PXDC1: variants seen among roughly 807,000 people sequenced by gnomAD.
The protein encoded by PXDC1 is PX domain containing 1, also known as PX domain-containing protein 1.
A neutral mutation model predicts 24.4 loss-of-function variants in PXDC1; 13 were observed. That is an observed-to-expected ratio of 0.53 (90% confidence interval 0.35 to 0.85). The LOEUF is 0.85. Ranked by LOEUF, PXDC1 falls within the 40% of genes least tolerant of loss-of-function variation. The probability of loss-of-function intolerance (pLI) is 0.01; values close to 1 mark genes in which losing one functional copy is unlikely to be tolerated. For missense variants in PXDC1, 344 were observed against 309.3 expected, an observed-to-expected ratio of 1.11 and a Z score of -0.84; for synonymous variants, 162 against 124.9, an observed-to-expected ratio of 1.30 and a Z score of -1.98.
rs184622569 is a variant in PXDC1, at chr6:3,728,437, G to A, written c.467-775C>T. 1.3e-5 allele frequency among the ~76,000 whole-genome samples: 2 copies of A among 152,214 alleles called. No individual in the cohort carries two copies. Among genetic ancestry groups the A allele is most frequent in the Admixed American group, 6.5e-5 (1 of 15,294 alleles). On this transcript the variant is annotated intron_variant, in intron 3 of 4. Transcript: ENST00000380283. The surrounding 1 kb of genome is among the most constrained non-coding windows in gnomAD (Gnocchi z 4.0). ...ACCAAAGGGTGACTTTCACTGTTTC[G>A]CTTTATGTAATTCTGTATGTAAATG...
chr6:3,742,965 G>C (rs1280483079), intron 1 of PXDC1, among the ~76,000 whole-genome samples: 1 of 152,166 alleles, frequency 6.6e-6, no homozygotes, highest in Non-Finnish European at 1.5e-5. Context: ...ACAAACACCT[G>C]ATTTGTTCTT....
chr6:3,732,913 C>A (rs1239314597), intron 3 of PXDC1, among the ~76,000 whole-genome samples: 1 of 152,158 alleles, frequency 6.6e-6, no homozygotes, highest in Non-Finnish European at 1.5e-5. Flanking sequence ...GGGCTCTCGG[C>A]CGGGAATGAA....
chr6:3,741,522 G>A (rs373194605), intron 1 of PXDC1, among the ~76,000 whole-genome samples: 1 of 152,212 alleles, frequency 6.6e-6, no homozygotes, highest in African/African-American at 2.4e-5. Flanking sequence ...GCTTTCTCAG[G>A]ACACTGTGGT....
intron 1 of PXDC1, among the ~76,000 whole-genome samples, chr6:3,740,296 G>A (rs559171460): frequency 6.6e-6 from 1 of 152,186 alleles, no homozygotes; most frequent in South Asian, 2.1e-4. Flanking sequence ...GGTCACATTA[G>A]GGAGATAAAT....
chr6:3,730,203 G>A (rs1452225425), intron 3 of PXDC1, among the ~76,000 whole-genome samples: 1 of 152,132 alleles, frequency 6.6e-6, no homozygotes, highest in East Asian at 1.9e-4. Flanking sequence ...GAGAAGCTCC[G>A]GTTCCCTCCT....
At chr6:3,734,784 GA>G (rs143115510) in intron 3 of PXDC1, among the ~76,000 whole-genome samples, 17 of 151,566 alleles carry the variant, frequency 1.1e-4, no homozygotes, top group Non-Finnish European at 1.3e-4. Context: ...CACAGGAATA[GA>G]AAAAAAAATC....
chr6:3,747,338 A>C (rs1760593434), intron 1 of PXDC1, among the ~76,000 whole-genome samples: 1 of 152,068 alleles, frequency 6.6e-6, no homozygotes, highest in Non-Finnish European at 1.5e-5. Context: ...ACCAGCCCCC[A>C]GCACCTGCCT....
At chr6:3,726,813 C>G (rs535993288) in intron 4 of PXDC1, among the ~76,000 whole-genome samples, 1 of 152,234 alleles carries the variant, frequency 6.6e-6, no homozygotes, top group Admixed American at 6.5e-5. Flanking sequence ...GACTCTCAAG[C>G]GGGATGTTTT....
chr6:3,724,365 C>A lies in PXDC1; in HGVS notation c.579-629G>T, dbSNP rs1370196418. On this transcript the variant is annotated intron_variant, in intron 4 of 4. Transcript: ENST00000380283. The surrounding 1 kb of genome is among the most constrained non-coding windows in gnomAD (Gnocchi z 4.5). ...GGAGAACTAGGGAAGAATACAAACCCCAAACATAAGGGGACGTAAAAGCCC... is the reference window on the plus strand; with the variant it reads ...GGAGAACTAGGGAAGAATACAAACCACAAACATAAGGGGACGTAAAAGCCC... Among the ~76,000 whole-genome samples, 1 of 152,050 alleles carries A rather than the reference C, an allele frequency of 6.6e-6. No homozygotes were observed. Among genetic ancestry groups the A allele is most frequent in the Non-Finnish European group, 1.5e-5 (1 of 68,012 alleles).
At chr6:3,742,608 T>C (rs1189957033) in intron 1 of PXDC1, among the ~76,000 whole-genome samples, 1 of 152,202 alleles carries the variant, frequency 6.6e-6, no homozygotes, top group African/African-American at 2.4e-5. Flanking sequence ...TGGCGTTCAC[T>C]GCAACGCACG....
At chr6:3,727,987 G>T (rs1760108007) in intron 3 of PXDC1, among the ~76,000 whole-genome samples, 1 of 152,164 alleles carries the variant, frequency 6.6e-6, no homozygotes, top group South Asian at 2.1e-4. Context: ...GCTCAAATCT[G>T]TGAGTCTGCG....
intron 3 of PXDC1, among the ~76,000 whole-genome samples, chr6:3,733,231 A>G (rs553400860): frequency 7.9e-5 from 12 of 152,310 alleles, no homozygotes; most frequent in Admixed American, 7.8e-4. Context: ...CCGTGTGGAC[A>G]GTCTCAGGTG....
intron 1 of PXDC1, among the ~76,000 whole-genome samples, chr6:3,748,700 G>C (rs1008772698): frequency 6.6e-6 from 1 of 152,136 alleles, no homozygotes; most frequent in Non-Finnish European, 1.5e-5. Context: ...ACCCTCCAAG[G>C]GTGTGCAGAC....
At chr6:3,743,164 T>A (rs1280507483) in intron 1 of PXDC1, among the ~76,000 whole-genome samples, 1 of 152,052 alleles carries the variant, frequency 6.6e-6, no homozygotes, top group Non-Finnish European at 1.5e-5. Flanking sequence ...GCCATCTGAC[T>A]CTAGCGGGAG....
In PXDC1 at chr6:3,751,485, A is replaced by G; in HGVS notation, c.47T>C (p.Val16Ala). The G allele has an allele frequency of 1.2e-6, 2 of 1,604,516 alleles. No homozygotes were observed. Among genetic ancestry groups the G allele is most frequent in the Non-Finnish European group, 1.7e-6 (2 of 1,176,968 alleles). Residue 16 changes from valine (V) to alanine (A), a missense_variant, in exon 1 of 5, where the codon GTG becomes GCG. Transcript: ENST00000380283. ...FEGTSLVNMF[V>A]RGCWVNGIRR... ...GATGCCGTTCACCCAGCAGCCGCGCACGAACATGTTCACGAGCGACGTGCC... is the reference window on the plus strand; with the variant it reads ...GATGCCGTTCACCCAGCAGCCGCGCGCGAACATGTTCACGAGCGACGTGCC...
chr6:3,751,388 G>A lies in PXDC1; in HGVS notation c.144C>T (p.Arg48=). The change falls in exon 1 of 5, where the codon CGC becomes CGT. Residue 48 remains arginine (R), a synonymous_variant. Transcript: ENST00000380283. ...GGCTGCGGTGCAGGTAGAGCACGCT[G>A]CGGTCCGACCACTCCGTGCGGATCT... ...FFEIRTEWSD[R]SVLYLHRSLA... is the part of the protein sequence containing the mutation. 6.4e-7 allele frequency: 1 copy of A among 1,568,826 alleles called. No homozygotes were observed. Among genetic ancestry groups the A allele is most frequent in the Non-Finnish European group, 8.6e-7 (1 of 1,158,334 alleles).
intron 1 of PXDC1, among the ~76,000 whole-genome samples, chr6:3,739,911 G>A (rs1040903199): frequency 2.6e-5 from 4 of 152,166 alleles, no homozygotes; most frequent in African/African-American, 9.7e-5. Flanking sequence ...AAGGAAAGGG[G>A]AGCCAATTCA....
intron 1 of PXDC1, 182 bp downstream of exon 1, chr6:3,751,094 C>T: frequency 1.9e-6 from 1 of 519,292 alleles, no homozygotes; most frequent in Non-Finnish European, 3.3e-6. Flanking sequence ...AGGCTGGCTC[C>T]CCGTCCCCCT....
chr6:3,751,389 C>T lies in PXDC1; in HGVS notation c.143G>A (p.Arg48His), dbSNP rs920594529. ...FFEIRTEWSD[R>H]SVLYLHRSLA... is the part of the protein sequence containing the mutation. ...GCTGCGGTGCAGGTAGAGCACGCTG[C>T]GGTCCGACCACTCCGTGCGGATCTC... The change falls in exon 1 of 5, where the codon CGC (arginine) becomes CAC (histidine). Residue 48 changes from arginine (R) to histidine (H), a missense_variant. Coordinates refer to ENST00000380283, the MANE Select transcript of PXDC1 (RefSeq NM_183373.4). 1 of 1,568,920 alleles carries T rather than the reference C, an allele frequency of 6.4e-7. No homozygotes were observed. The highest frequency in any genetic ancestry group is 1.4e-5 in the African/African-American group (1 of 73,830).
Sources: allele counts gnomAD v4.1 joint callset (sites outside exome capture counted in the v4.1 genomes callset), GRCh38; gene constraint gnomAD v4.1.1; non-coding constraint Gnocchi (gnomAD v3.1); transcripts MANE v1.5; gene names NCBI Gene and HGNC (gene_info 2026-07-23, HGNC 2026-07-21).